VAT1L: variants seen among roughly 807,000 people sequenced by gnomAD.
VAT1L encodes the protein putative NADPH-dependent quinone oxidoreductase VAT1L.
In VAT1L, 34 loss-of-function variants were observed where a neutral mutation model predicts 44.1. The observed-to-expected ratio is 0.77, with a 90% confidence interval of 0.59 to 1.03. The LOEUF (loss-of-function observed/expected upper bound fraction) is 1.03. Among genes scored for constraint, VAT1L ranks in the 50% least tolerant of loss-of-function variants. The pLI is 0.00. For synonymous variants in VAT1L, 253 were observed against 202.2 expected (o/e 1.25, Z -2.13); for missense variants, 615 against 538.8 (o/e 1.14, Z -1.40).
At chr16:77,913,818 T>C (rs962439730) in intron 7 of VAT1L, among the ~76,000 whole-genome samples, 1 of 152,136 alleles carries the variant, frequency 6.6e-6, no homozygotes, top group African/African-American at 2.4e-5. Context: ...AGACATAGAA[T>C]TAGGACATAA....
intron 7 of VAT1L, among the ~76,000 whole-genome samples, chr16:77,905,901 G>A (rs1014167568): frequency 2.0e-5 from 3 of 152,062 alleles, no homozygotes; most frequent in East Asian, 1.9e-4. Flanking sequence ...GGAGGTTTAC[G>A]CTTATATTTA....
At chr16:77,963,772 G>C (rs1470979723) in intron 7 of VAT1L, among the ~76,000 whole-genome samples, 2 of 152,008 alleles carry the variant, frequency 1.3e-5, no homozygotes, top group African/African-American at 4.8e-5. Flanking sequence ...ATATGCATTT[G>C]GTAAACAGGG....
intron 3 of VAT1L, among the ~76,000 whole-genome samples, chr16:77,862,286 A>G (rs1390729145): frequency 6.6e-6 from 1 of 152,214 alleles, no homozygotes; most frequent in African/African-American, 2.4e-5. Flanking sequence ...CTGACAATGC[A>G]TAGTACAGTC....
intron 1 of VAT1L, among the ~76,000 whole-genome samples, chr16:77,808,329 G>A (rs554165554): frequency 1.3e-5 from 2 of 152,220 alleles, no homozygotes; most frequent in Non-Finnish European, 2.9e-5. Context: ...CCGTCGAGTT[G>A]TAGGAAAACA....
chr16:77,940,823 G>A (rs534423625), intron 7 of VAT1L, among the ~76,000 whole-genome samples: 1 of 152,230 alleles, frequency 6.6e-6, no homozygotes, highest in African/African-American at 2.4e-5. Flanking sequence ...GTGGGGGGCT[G>A]GGACATGGAA....
At chr16:77,874,737 CTGCCTCTTA>C (rs562014280) in intron 4 of VAT1L, among the ~76,000 whole-genome samples, 17 of 151,146 alleles carry the variant, frequency 1.1e-4, no homozygotes, top group African/African-American at 3.6e-4. Flanking sequence ...TGGTGAATAT[CTGCCTCTTA>C]TACGCTCCAA....
chr16:77,851,266 GA>G (rs764021460), intron 3 of VAT1L, among the ~76,000 whole-genome samples: 240 of 152,170 alleles, frequency 1.6e-3, no homozygotes, highest in Non-Finnish European at 2.4e-3. Flanking sequence ...CTGACAATCA[GA>G]AATCCCAGAG....
In VAT1L at chr16:77,946,279, C is replaced by CTTTTTTTTTTTTTTTTTTTTTTTTTT. The variant is rs66461822; in HGVS notation, c.1078-25549_1078-25548insTTTTTTTTTTTTTTTTTTTTTTTTTT. Among the ~76,000 whole-genome samples the CTTTTTTTTTTTTTTTTTTTTTTTTTT allele has an allele frequency of 1.3e-3, 94 of 70,418 alleles. 36 individuals carry two copies. Among genetic ancestry groups the CTTTTTTTTTTTTTTTTTTTTTTTTTT allele is most frequent in the Non-Finnish European group, 2.0e-3 (81 of 39,604 alleles). 46.2% of individuals were successfully genotyped at this position (70,418 alleles called of 152,430 possible). A position where few individuals can be genotyped will look rare whatever the true frequency, so the allele number is the denominator to read the frequency against. On this transcript the variant is annotated intron_variant, in intron 7 of 8. Transcript: ENST00000302536. ...GTTCTGGACATCTAGGTTACTTGTT[C>CTTTTTTTTTTTTTTTTTTTTTTTTTT]TTTTTTTTTTTTTTTTTTTTTTGAG...
intron 1 of VAT1L, among the ~76,000 whole-genome samples, chr16:77,813,213 G>C (rs1484639357): frequency 6.6e-6 from 1 of 151,942 alleles, no homozygotes; most frequent in Admixed American, 6.6e-5. Context: ...TTAGACTCAA[G>C]TTTTTAAGTT....
At chr16:77,943,269 C>G (rs537463242) in intron 7 of VAT1L, among the ~76,000 whole-genome samples, 1 of 151,328 alleles carries the variant, frequency 6.6e-6, no homozygotes, top group African/African-American at 2.4e-5. Context: ...GTTGGTCAGG[C>G]TGGTCTCAAG....
chr16:77,955,321 G>A (rs2018090622), intron 7 of VAT1L, among the ~76,000 whole-genome samples: 1 of 152,216 alleles, frequency 6.6e-6, no homozygotes, highest in South Asian at 2.1e-4. Context: ...GACATCTAGT[G>A]AGCAGAGGCC....
intron 7 of VAT1L, among the ~76,000 whole-genome samples, chr16:77,895,266 A>C (rs1218326139): frequency 6.6e-6 from 1 of 152,188 alleles, no homozygotes; most frequent in Non-Finnish European, 1.5e-5. Context: ...CAAAGAAATT[A>C]AGGCACAGCT....
At chr16:77,831,912 T>G (rs2016582938) in intron 3 of VAT1L, among the ~76,000 whole-genome samples, 1 of 151,806 alleles carries the variant, frequency 6.6e-6, no homozygotes, top group African/African-American at 2.4e-5. Flanking sequence ...GCCTCCCGGC[T>G]TCAATCGATT....
chr16:77,856,796 T>C lies in VAT1L; in HGVS notation c.580-5952T>C, dbSNP rs974581586. 3.3e-5 allele frequency among the ~76,000 whole-genome samples: 5 copies of C among 152,190 alleles called. No individual in the cohort carries two copies. The East Asian group carries it at 9.6e-4, about 29-fold the overall frequency. On this transcript the variant is annotated intron_variant, in intron 3 of 8. Coordinates refer to ENST00000302536, the MANE Select transcript of VAT1L (RefSeq NM_020927.3). Reference sequence around the variant, plus strand: ...TTGATGGCAAAGACCCGAAGTTGTCTCTAAGATGGCAACTCGAGGGCTTAG... The same window carrying C: ...TTGATGGCAAAGACCCGAAGTTGTCCCTAAGATGGCAACTCGAGGGCTTAG...
chr16:77,937,659 A>T (rs1303659932), intron 7 of VAT1L, among the ~76,000 whole-genome samples: 1 of 152,250 alleles, frequency 6.6e-6, no homozygotes, highest in Non-Finnish European at 1.5e-5. Flanking sequence ...CTGCTCTGTT[A>T]CATCCCAGTA....
chr16:77,912,828 T>C (rs2142486776), intron 7 of VAT1L, among the ~76,000 whole-genome samples: 1 of 152,294 alleles, frequency 6.6e-6, no homozygotes, highest in South Asian at 2.1e-4. Flanking sequence ...CTAGCAGATT[T>C]TGTGCTTGGT....
intron 6 of VAT1L, among the ~76,000 whole-genome samples, chr16:77,880,047 G>A (rs1382770461): frequency 4.6e-5 from 7 of 152,118 alleles, no homozygotes; most frequent in Non-Finnish European, 8.8e-5. Context: ...TCAATATGGT[G>A]GTTAGTTTGT....
At chr16:77,816,885 T>A in intron 1 of VAT1L, 36 bp from the exon 2 acceptor site, 1 of 1,559,700 alleles carries the variant, frequency 6.4e-7, no homozygotes, top group Non-Finnish European at 8.7e-7. Context: ...TGGATCTCAT[T>A]TTGAATTTCT....
In VAT1L at chr16:77,902,191, C is replaced by T. The variant is rs530400376; in HGVS notation, c.1077+17389C>T. Reference sequence around the variant, plus strand: ...TACTGGTTGATGAGCTCATCTTATTCCTTTCTTTATCCTTGGTTCTAATTA... The same window carrying T: ...TACTGGTTGATGAGCTCATCTTATTTCTTTCTTTATCCTTGGTTCTAATTA... On this transcript the variant is annotated intron_variant, in intron 7 of 8. Transcript: ENST00000302536. 1.6e-4 allele frequency among the ~76,000 whole-genome samples: 24 copies of T among 152,302 alleles called. 1 individual carries two copies. Among genetic ancestry groups the T allele is most frequent in the African/African-American group, 5.5e-4 (23 of 41,576 alleles).
Sources: gnomAD v4.1 joint callset for allele counts (sites outside exome capture counted in the v4.1 genomes callset) on GRCh38, gnomAD v4.1.1 for gene constraint, MANE v1.5 for transcripts, NCBI Gene and HGNC (gene_info 2026-07-23, HGNC 2026-07-21) for gene names.